SERBP1: variants seen among roughly 807,000 people sequenced by gnomAD.
The protein encoded by SERBP1 is SERPINE1 mRNA-binding protein 1.
Under a neutral mutation model 50.2 loss-of-function variants are expected in SERBP1, and 6 were observed. The ratio of observed to expected loss-of-function variants is 0.12; its 90% CI spans 0.07 to 0.24. The LOEUF is 0.24. SERBP1 is among the 10% of genes least tolerant of loss of function. The probability of loss-of-function intolerance (pLI) is 1.00; values close to 1 mark genes in which losing one functional copy is unlikely to be tolerated. For synonymous variants in SERBP1, 168 were observed against 182.8 expected, an observed-to-expected ratio of 0.92 and a Z score of 0.65; for missense variants, 346 against 524.9, an observed-to-expected ratio of 0.66 and a Z score of 3.33.
Position 67,409,407 on chromosome 1 carries a change from ACACACACACACACCCCCACACAC to A in SERBP1, c.*3777_*3799del, listed in dbSNP as rs1352150196. 2.8e-5 allele frequency: 3 copies of A among 108,358 alleles called. No homozygotes were observed. Among genetic ancestry groups the A allele is most frequent in the African/African-American group, 1.2e-4 (3 of 24,942 alleles). The allele number at this position is 108,358 out of a possible 1,614,324, so 6.7% of individuals were successfully genotyped here. A position where few individuals can be genotyped will look rare whatever the true frequency, so the allele number is the denominator to read the frequency against. On this transcript the variant is annotated 3_prime_UTR_variant, in exon 8 of 8. Transcript: ENST00000361219. ...CACGGACACACACACACACACACAC[ACACACACACACACCCCCACACAC>A]ACCAGGTCACAGGCTGAACTTTGCT... is the stretch of plus-strand genomic sequence containing the variant.
rs117311928 is a variant in SERBP1 at position 67,424,685 on chromosome 1, T to C, written c.695+203A>G. Among the ~76,000 whole-genome samples the C allele has an allele frequency of 7.1e-4, 107 of 150,782 alleles. No individual in the cohort carries two copies. In the East Asian group the frequency reaches 0.019, roughly 26 times the overall value. ...ACAAATACATATGGGGGGGAAAAAA[T>C]GAGTAACAAATATATCGAAATATTA... On this transcript the variant is annotated intron_variant, in intron 4 of 7. Transcript: ENST00000361219.
In SERBP1 at chr1:67,426,170, T is replaced by C. The variant is rs748013220; in HGVS notation, c.429A>G (p.Glu143=). ...AAAATTCGCCTCCTTCACCCTTTTC[T>C]TCAAGTGGCTTTTCGAATCTTCGTT... The part of the protein sequence containing the change: ...PRERRFEKPL[E]EKGEGGEFSV... The change falls in exon 2 of 8, where the codon GAA becomes GAG. Residue 143 remains glutamate (E), a synonymous_variant. Transcript: ENST00000361219. 1.9e-6 allele frequency: 3 copies of C among 1,608,508 alleles called. No homozygotes were observed. The highest frequency in any genetic ancestry group is 2.5e-6 in the Non-Finnish European group (3 of 1,178,230).
At chr1:67,413,831 C>CA (rs1666920174) in intron 7 of SERBP1, among the ~76,000 whole-genome samples, 2 of 151,504 alleles carry the variant, frequency 1.3e-5, no homozygotes, top group Non-Finnish European at 2.9e-5. Flanking sequence ...TTTTTGGAGA[C>CA]AGTCTTACTC....
chr1:67,429,659 A>G (rs1056538516), intron 1 of SERBP1: 32 of 245,740 alleles, frequency 1.3e-4, no homozygotes, highest in African/African-American at 6.8e-4. Flanking sequence ...CCATGCGCTC[A>G]CCCGCCAAGG....
At chr1:67,424,794 A>G in intron 4 of SERBP1, 94 bp downstream of exon 4, 2 of 937,892 alleles carry the variant, frequency 2.1e-6, no homozygotes, top group Admixed American at 3.6e-5. Flanking sequence ...AGAAGAGAGC[A>G]TTCATTCTTA....
At position 67,423,312 on chromosome 1, in the gene SERBP1, AAAGT is replaced by A. The variant is rs548158496; in HGVS notation, c.773+884_773+887del. ...ACTCCATCTCACACACACAAAAAAA[AAAGT>A]TAGTGAAGGGCTGGGCAAGGTGGCT... On this transcript the variant is annotated intron_variant, in intron 5 of 7. Transcript: ENST00000361219. Among the ~76,000 whole-genome samples the A allele has an allele frequency of 1.8e-3, 269 of 151,410 alleles. 1 individual carries two copies. Among genetic ancestry groups the A allele is most frequent in the African/African-American group, 6.3e-3 (260 of 41,220 alleles).
chr1:67,423,082 G>C (rs1403457530), intron 5 of SERBP1, among the ~76,000 whole-genome samples: 1 of 151,840 alleles, frequency 6.6e-6, no homozygotes, highest in Non-Finnish European at 1.5e-5. Context: ...GGGAGGCCAA[G>C]GAGGGTGGAT....
chr1:67,428,012 A>G (rs1269939040), intron 1 of SERBP1, among the ~76,000 whole-genome samples: 1 of 152,246 alleles, frequency 6.6e-6, no homozygotes, highest in Non-Finnish European at 1.5e-5. Context: ...ATTATGTCAC[A>G]ATGTGTTATC....
chr1:67,424,031 A>G (rs908260322), intron 5 of SERBP1, among the ~76,000 whole-genome samples, 169 bp downstream of exon 5: 4 of 152,246 alleles, frequency 2.6e-5, no homozygotes, highest in Non-Finnish European at 5.9e-5. Flanking sequence ...AAAAAAAGAA[A>G]AAAAAAGCAT....
chr1:67,416,472 A>C (rs1481630773), intron 6 of SERBP1, among the ~76,000 whole-genome samples: 2 of 152,204 alleles, frequency 1.3e-5, no homozygotes, highest in Non-Finnish European at 2.9e-5. Flanking sequence ...GATGGGTTTT[A>C]ATCTTCTAGT....
chr1:67,429,150 C>A (rs915873484), intron 1 of SERBP1, among the ~76,000 whole-genome samples: 43 of 152,122 alleles, frequency 2.8e-4, no homozygotes, highest in African/African-American at 9.9e-4. Context: ...AGCTCTGCTG[C>A]GACTAACGCT....
Position 67,427,625 on chromosome 1 carries a change from A to G in SERBP1, c.314-1340T>C, listed in dbSNP as rs75857133. ...ACACCAAGGTATTTAAATAAATGTC[A>G]TCAGTAATAAAGTGCACTGGGGTGG... On this transcript the variant is annotated intron_variant, in intron 1 of 7. Transcript: ENST00000361219. 3.4e-3 allele frequency among the ~76,000 whole-genome samples: 522 copies of G among 152,320 alleles called. 4 individuals are homozygous for G. Among genetic ancestry groups the G allele is most frequent in the African/African-American group, 0.011 (459 of 41,586 alleles).
At position 67,424,962 on chromosome 1, in the gene SERBP1, G is replaced by A; in HGVS notation, c.621C>T (p.Tyr207=). 4 of 1,612,984 alleles carry A rather than the reference G, an allele frequency of 2.5e-6. No homozygotes were observed. Among genetic ancestry groups the A allele is most frequent in the Non-Finnish European group, 3.4e-6 (4 of 1,179,808 alleles). ...GTTTGTCCTCGTGCTTCAGGCCACT[G>A]TAATGTGAAAAAGAACTAACAAAAC... The part of the protein sequence containing the change: ...SGSDRSSFSH[Y]SGLKHEDKRG... The change falls in exon 4 of 8, where the codon TAC becomes TAT. Residue 207 remains tyrosine, a synonymous_variant. Transcript: ENST00000361219.
In SERBP1 at chr1:67,413,131, T is replaced by C; in HGVS notation, c.*76A>G. On this transcript the variant is annotated 3_prime_UTR_variant, in exon 8 of 8. Transcript: ENST00000361219. ...CTTTTTTTTTTTAATTTCTTAGTCG[T>C]TTGGAATCCTTAAGCATGCAAAAGC... 2.1e-6 allele frequency: 3 copies of C among 1,450,088 alleles called. No individual in the cohort carries two copies. The highest frequency in any genetic ancestry group is 2.9e-5 in the Admixed American group (1 of 35,050). The allele number at this position is 1,450,088 out of a possible 1,614,324, so 89.8% of individuals were successfully genotyped here. A position where few individuals can be genotyped will look rare whatever the true frequency, so the allele number is the denominator to read the frequency against.
intron 5 of SERBP1, among the ~76,000 whole-genome samples, chr1:67,422,617 T>C (rs909874647): frequency 2.0e-5 from 3 of 151,900 alleles, no homozygotes; most frequent in African/African-American, 7.3e-5. Flanking sequence ...AAATAACCTG[T>C]AATCCAAGAC....
intron 5 of SERBP1, among the ~76,000 whole-genome samples, chr1:67,420,779 T>C (rs1009457155): frequency 2.6e-5 from 4 of 152,222 alleles, no homozygotes; most frequent in African/African-American, 9.6e-5. Context: ...AACCTGTATA[T>C]GGAAAGGAGG....
rs1185541993 is a variant in SERBP1 at position 67,408,845 on chromosome 1, C to G, written c.*4362G>C. On this transcript the variant is annotated 3_prime_UTR_variant, in exon 8 of 8. Coordinates refer to ENST00000361219, the MANE Select transcript of SERBP1 (RefSeq NM_001018069.2). The stretch of plus-strand genomic sequence containing the variant: ...AAAATAATAAAACATGTTTTACTAA[C>G]AAGTTTTATCTTGCCCTTACTTTGA... 6.6e-6 allele frequency: 1 copy of G among 152,120 alleles called. No homozygotes were observed. The highest frequency in any genetic ancestry group is 1.5e-5 in the Non-Finnish European group (1 of 68,022). The allele number at this position is 152,120 out of a possible 1,614,324, so 9.4% of individuals were successfully genotyped here.
chr1:67,418,821 T>C lies in SERBP1; in HGVS notation c.951+1188A>G, dbSNP rs151029210. ...AGGGTTTGCCCTCACAATATTTTAA[T>C]TTAACTTTACCTTAGGATGATAAAA... On this transcript the variant is annotated intron_variant, in intron 6 of 7. Coordinates refer to ENST00000361219, the MANE Select transcript of SERBP1 (RefSeq NM_001018069.2). 3.9e-3 allele frequency among the ~76,000 whole-genome samples: 595 copies of C among 152,304 alleles called. 2 individuals are homozygous for C. The highest frequency in any genetic ancestry group is 0.014 in the African/African-American group (578 of 41,564).
intron 1 of SERBP1, among the ~76,000 whole-genome samples, chr1:67,427,626 T>C (rs1288108989): frequency 6.6e-6 from 1 of 152,176 alleles, no homozygotes; most frequent in African/African-American, 2.4e-5. Flanking sequence ...ATAAATGTCA[T>C]CAGTAATAAA....
Sources: allele counts gnomAD v4.1 joint callset (sites outside exome capture counted in the v4.1 genomes callset), GRCh38; gene constraint gnomAD v4.1.1; transcripts MANE v1.5; gene names NCBI Gene and HGNC (gene_info 2026-07-23, HGNC 2026-07-21).